SYNE2: variants seen among roughly 807,000 people sequenced by gnomAD.
The protein encoded by SYNE2 is spectrin repeat containing nuclear envelope protein 2, also known as nesprin-2.
Under a neutral mutation model 856.3 loss-of-function variants are expected in SYNE2, and 431 were observed. That is an observed-to-expected ratio of 0.50 (90% CI 0.47 to 0.55). The LOEUF is 0.55. SYNE2 is among the 20% of genes least tolerant of loss of function. SYNE2 has a pLI of 0.00. For missense variants in SYNE2, 8,129 were observed against 8,023.2 expected, an observed-to-expected ratio of 1.01 and a Z score of -0.50; for synonymous variants, 2,923 against 2,872.3, an observed-to-expected ratio of 1.02 and a Z score of -0.56.
Position 64,002,856 on chromosome 14 carries a change from T to C in SYNE2, c.3923T>C (p.Phe1308Ser). 3 of 1,614,150 alleles carry C rather than the reference T, an allele frequency of 1.9e-6. No homozygotes were observed. Among genetic ancestry groups the C allele is most frequent in the Non-Finnish European group, 2.5e-6 (3 of 1,180,026 alleles). ...QNIILKYKTQFEGMNHRVQRS... is the reference protein window; with the variant it reads ...QNIILKYKTQSEGMNHRVQRS... ...ATTATACTGAAATACAAAACACAAT[T>C]TGAAGGAATGAACCACAGGGTGCAG... Residue 1308 changes from phenylalanine (F) to serine (S), a missense_variant, in exon 30 of 116, where the codon TTT becomes TCT. Coordinates refer to ENST00000555002, the MANE Select transcript of SYNE2 (RefSeq NM_182914.3).
At chr14:63,803,793 G>A (rs1273183129) in intron 1 of SYNE2, among the ~76,000 whole-genome samples, 1 of 152,222 alleles carries the variant, frequency 6.6e-6, no homozygotes, top group African/African-American at 2.4e-5. Flanking sequence ...AGCGAGCGAG[G>A]ACTGTGAGGA....
chr14:64,143,678 G>A (rs1235779729), intron 82 of SYNE2, 94 bp from the exon 83 acceptor site: 8 of 1,339,410 alleles, frequency 6.0e-6, no homozygotes, highest in Admixed American at 5.0e-5. Flanking sequence ...ATTAATGGAC[G>A]GGAGCTTGGT....
rs1251313686 is a variant in SYNE2, at chr14:64,130,150, G to A, written c.14242G>A (p.Val4748Met). 9 of 1,614,214 alleles carry A rather than the reference G, an allele frequency of 5.6e-6. No homozygotes were observed. In the South Asian group the frequency reaches 8.8e-5, roughly 16 times the overall value. ...SQQDALLQGM[V>M]ELVKIGKEKL... is the part of the protein sequence containing the mutation. ...GCAAGATGCTTTGTTGCAAGGCATGGTGGAACTGGTGAAGATTGGGAAGGA... is the reference window on the plus strand; with the variant it reads ...GCAAGATGCTTTGTTGCAAGGCATGATGGAACTGGTGAAGATTGGGAAGGA... Residue 4748 changes from valine to methionine, a missense_variant, in exon 76 of 116, where the codon GTG becomes ATG. Coordinates refer to ENST00000555002, the MANE Select transcript of SYNE2 (RefSeq NM_182914.3).
In SYNE2 at chr14:64,093,433, C is replaced by T. The variant is rs767184847; in HGVS notation, c.12061C>T (p.Leu4021Phe). 18 of 1,614,022 alleles carry T rather than the reference C, an allele frequency of 1.1e-5. No homozygotes were observed. The African/African-American group carries it at 1.9e-4, about 17-fold the overall frequency. ...ILNNYSAQFSLEHMSPDQADK... is the reference protein window; with the variant it reads ...ILNNYSAQFSFEHMSPDQADK... ...AAATAATTATTCAGCTCAGTTCTCC[C>T]TTGAACATATGTCACCAGACCAAGC... The change falls in exon 61 of 116, where the codon CTT (leucine) becomes TTT (phenylalanine). Residue 4021 changes from leucine to phenylalanine, a missense_variant. Leu to Phe is a conservative substitution (Grantham distance 22). This residue lies in a region of SYNE2 where 5,410 missense variants were observed against 5,284.8 expected (regional missense o/e 1.02). Transcript: ENST00000555002.
chr14:63,993,745 A>G (rs1482591474), intron 21 of SYNE2, 90 bp from the exon 22 acceptor site: 2 of 1,201,326 alleles, frequency 1.7e-6, no homozygotes, highest in African/African-American at 3.1e-5. Flanking sequence ...TACCAGTTAA[A>G]GACATACCAA....
intron 1 of SYNE2, among the ~76,000 whole-genome samples, chr14:63,890,053 C>CTTTTTT (rs71123813): frequency 6.3e-5 from 6 of 94,958 alleles, no homozygotes; most frequent in Non-Finnish European, 1.2e-4. Context: ...TTCTTTCTTT[C>CTTTTTT]TTTTTTTTTT....
At chr14:63,912,523 A>G (rs1036403327) in intron 2 of SYNE2, among the ~76,000 whole-genome samples, 3 of 152,202 alleles carry the variant, frequency 2.0e-5, no homozygotes, top group South Asian at 2.1e-4. Context: ...CATGTAATAT[A>G]AGAGGCTCAG....
chr14:63,866,545 A>G (rs560418792), intron 1 of SYNE2, among the ~76,000 whole-genome samples: 114 of 152,226 alleles, frequency 7.5e-4, no homozygotes, highest in Middle Eastern at 6.8e-3. Context: ...ATTCCTTTGG[A>G]CAACCTACAG....
In SYNE2 at chr14:63,940,663, A is replaced by T. The variant is rs780891110; in HGVS notation, c.129A>T (p.Ser43=). 2.5e-6 allele frequency: 4 copies of T among 1,613,116 alleles called. No individual in the cohort carries two copies. The Admixed American group carries it at 5.0e-5, about 20-fold the overall frequency. The stretch of plus-strand genomic sequence containing the variant: ...AAGCCTTCACGTGCTGGATAAACTC[A>T]CAGTTGGCCAGGGTAAGCAAATGAA... The part of the protein sequence containing the change: ...QKKAFTCWIN[S]QLARHTSPSV... The change falls in exon 3 of 116, where the codon TCA becomes TCT. Residue 43 remains serine, a synonymous_variant. Coordinates refer to ENST00000555002, the MANE Select transcript of SYNE2 (RefSeq NM_182914.3).
Position 64,098,072 on chromosome 14 carries a change from G to GTAGAAAGAGA in SYNE2, c.12236_12245dup (p.Leu4083LysfsTer3). The GTAGAAAGAGA allele has an allele frequency of 1.2e-6, 2 of 1,614,210 alleles. No homozygotes were observed. The highest frequency in any genetic ancestry group is 1.7e-6 in the Non-Finnish European group (2 of 1,180,040). Reference sequence around the variant, plus strand: ...GCATTTGAAGCAAGAACAAGAAGGAGTAGAAAGAGATAGGCTGCCAGCTGT... The same window carrying GTAGAAAGAGA: ...GCATTTGAAGCAAGAACAAGAAGGAGTAGAAAGAGATAGAAAGAGATAGGCTGCCAGCTGT... On this transcript the variant is annotated frameshift_variant, in exon 62 of 116. Coordinates refer to ENST00000555002, the MANE Select transcript of SYNE2 (RefSeq NM_182914.3). LOFTEE classifies it high-confidence loss of function.
At chr14:64,032,121 A>G (rs74786376) in intron 45 of SYNE2, among the ~76,000 whole-genome samples, 5 of 152,316 alleles carry the variant, frequency 3.3e-5, no homozygotes, top group African/African-American at 9.6e-5. Flanking sequence ...AATAAAGAGA[A>G]CATGCACTTT....
chr14:64,212,147 G>A lies in SYNE2; in HGVS notation c.18861+49G>A, dbSNP rs372881760. On this transcript the variant is annotated intron_variant, in intron 104 of 115. Coordinates refer to ENST00000555002, the MANE Select transcript of SYNE2 (RefSeq NM_182914.3). ...TCTTCTCAAAAGAACACACCTTTGC[G>A]TGGGAGAGCTGGCCAAGTGCAAATT... is the stretch of plus-strand genomic sequence containing the variant. The A allele has an allele frequency of 5.2e-5, 84 of 1,611,790 alleles. No homozygotes were observed. The African/African-American group carries it at 7.5e-4, about 14-fold the overall frequency.
chr14:64,043,498 T>TAA (rs35237735), intron 45 of SYNE2, among the ~76,000 whole-genome samples: 1 of 150,072 alleles, frequency 6.7e-6, no homozygotes. Flanking sequence ...GAGGCCTATG[T>TAA]AAAAAAAAAA....
intron 99 of SYNE2, among the ~76,000 whole-genome samples, chr14:64,192,035 G>A (rs1454311486): frequency 6.6e-6 from 1 of 152,190 alleles, no homozygotes; most frequent in Non-Finnish European, 1.5e-5. Context: ...TTATGGAGTG[G>A]TTGTTTTCAT....
intron 49 of SYNE2, among the ~76,000 whole-genome samples, chr14:64,062,337 T>C (rs2097323999): frequency 6.6e-6 from 1 of 152,218 alleles, no homozygotes; most frequent in Admixed American, 6.5e-5. Context: ...GGATAAGCTC[T>C]ATATGTTTAG....
intron 50 of SYNE2, among the ~76,000 whole-genome samples, chr14:64,063,604 G>A (rs1467532404): frequency 6.6e-6 from 1 of 152,208 alleles, no homozygotes; most frequent in East Asian, 1.9e-4. Context: ...CTGTTACAAA[G>A]CAATTTGAGC....
rs1206846128 is a variant in SYNE2 at position 64,190,643 on chromosome 14, C to T, written c.18038+406C>T. The T allele has an allele frequency of 5.7e-6, 4 of 701,676 alleles. No homozygotes were observed. In the East Asian group the frequency reaches 8.0e-5, roughly 14 times the overall value. The allele number at this position is 701,676 out of a possible 1,614,324, so 43.5% of individuals were successfully genotyped here. ...AGGGCACAGGCCTGGCTTCTGGATGCTGGGGGCCCATGACTGCCCCACTAC... is the reference window on the plus strand; with the variant it reads ...AGGGCACAGGCCTGGCTTCTGGATGTTGGGGGCCCATGACTGCCCCACTAC... On this transcript the variant is annotated intron_variant, in intron 99 of 115. Coordinates refer to ENST00000555002, the MANE Select transcript of SYNE2 (RefSeq NM_182914.3).
At chr14:63,973,272 TAAAG>T (rs1169804784) in intron 11 of SYNE2, among the ~76,000 whole-genome samples, 3 of 152,034 alleles carry the variant, frequency 2.0e-5, no homozygotes, top group Admixed American at 6.6e-5. Context: ...AAATTTACGA[TAAAG>T]AAATAACTTT....
intron 1 of SYNE2, among the ~76,000 whole-genome samples, chr14:63,769,406 C>G (rs146165414): frequency 6.6e-6 from 1 of 152,108 alleles, no homozygotes; most frequent in African/African-American, 2.4e-5. Context: ...CAGTGGCTCA[C>G]GCCTGTAATC....
Sources: allele counts gnomAD v4.1 joint callset (sites outside exome capture counted in the v4.1 genomes callset), GRCh38; gene constraint gnomAD v4.1.1; regional missense constraint gnomAD v4.1.1; transcripts MANE v1.5; gene names NCBI Gene and HGNC (gene_info 2026-07-23, HGNC 2026-07-21).